The following PDZD2 variants were observed in gnomAD, a reference collection of about 807,000 sequenced individuals.
PDZD2 encodes PDZ domain containing 2, also known as PDZ domain-containing protein 2.
In PDZD2, 90 loss-of-function variants were observed where a neutral mutation model predicts 220.7. The observed-to-expected ratio is 0.41, with a 90% CI of 0.34 to 0.49. The LOEUF is 0.49. Among genes scored for constraint, PDZD2 ranks in the 20% least tolerant of loss-of-function variants. The pLI is 0.28. For synonymous variants in PDZD2, 1,375 were observed against 1,450.5 expected, an observed-to-expected ratio of 0.95 and a Z score of 1.18; for missense variants, 3,174 against 3,608.5, an observed-to-expected ratio of 0.88 and a Z score of 3.08.
At chr5:31,987,181 G>A (rs1487852340) in intron 3 of PDZD2, among the ~76,000 whole-genome samples, 4 of 152,162 alleles carry the variant, frequency 2.6e-5, no homozygotes, top group Non-Finnish European at 2.9e-5. Flanking sequence ...AATGCTACAT[G>A]TTGAAAATGA....
Position 32,072,272 on chromosome 5 carries a change from G to C in PDZD2, c.2680G>C (p.Gly894Arg). ...GSEDEDHPGS[G>R]CSTSEEGSLP... ...TGAGGACGAGGATCACCCGGGAAGT[G>C]GCTGCAGCACGTCGGAGGAGGGCAG... Residue 894 changes from glycine to arginine, a missense_variant, in exon 17 of 25, where the codon GGC (glycine) becomes CGC (arginine). Around this residue, in one of 4 missense-constraint regions of PDZD2, gnomAD observed 1,861 missense variants for 2,001.0 expected, o/e 0.93. Coordinates refer to ENST00000438447, the MANE Select transcript of PDZD2 (RefSeq NM_178140.4). 3.7e-6 allele frequency: 6 copies of C among 1,614,154 alleles called. No individual in the cohort carries two copies. The highest frequency in any genetic ancestry group is 5.1e-6 in the Non-Finnish European group (6 of 1,179,990).
chr5:31,869,866 T>TCTGA (rs1943226515), intron 2 of PDZD2, among the ~76,000 whole-genome samples: 1 of 152,218 alleles, frequency 6.6e-6, no homozygotes, highest in Non-Finnish European at 1.5e-5. Context: ...GAGGGGTGGG[T>TCTGA]CTGACCCCCT....
intron 2 of PDZD2, among the ~76,000 whole-genome samples, chr5:31,927,702 T>C (rs1014350870): frequency 6.6e-6 from 1 of 152,164 alleles, no homozygotes; most frequent in Non-Finnish European, 1.5e-5. Context: ...ACTTTGAAGT[T>C]AGACTCTCCT....
At chr5:31,896,799 A>T (rs1179044275) in intron 2 of PDZD2, among the ~76,000 whole-genome samples, 1 of 152,208 alleles carries the variant, frequency 6.6e-6, no homozygotes, top group Non-Finnish European at 1.5e-5. Flanking sequence ...CTACAAAAAA[A>T]TTTAAAAATT....
chr5:31,766,392 T>G (rs1392067886), intron 1 of PDZD2, among the ~76,000 whole-genome samples: 1 of 152,230 alleles, frequency 6.6e-6, no homozygotes, highest in African/African-American at 2.4e-5. Context: ...TCTTATTTTA[T>G]TTTTTGAGAT....
chr5:31,983,763 AT>A, intron 3 of PDZD2, 107 bp downstream of exon 3: 1 of 1,130,024 alleles, frequency 8.8e-7, no homozygotes, highest in Non-Finnish European at 1.3e-6. Flanking sequence ...CAGAACCAGA[AT>A]TTTGAAAGAA....
chr5:32,017,711 C>A (rs1211247843), intron 6 of PDZD2, among the ~76,000 whole-genome samples: 1 of 152,094 alleles, frequency 6.6e-6, no homozygotes, highest in Non-Finnish European at 1.5e-5. Flanking sequence ...AGGTTAGAAA[C>A]CTGCAAGCAG....
intron 1 of PDZD2, among the ~76,000 whole-genome samples, chr5:31,713,197 C>T (rs907012214): frequency 6.6e-6 from 1 of 152,192 alleles, no homozygotes; most frequent in Non-Finnish European, 1.5e-5. Flanking sequence ...ATTCATTGGT[C>T]TCAACATTTG....
rs963829924 is a variant in PDZD2, at chr5:31,931,903, G to A, written c.477-51252G>A. Among the ~76,000 whole-genome samples the A allele has an allele frequency of 4.6e-5, 7 of 152,136 alleles. 1 individual carries two copies. In the South Asian group the frequency reaches 1.0e-3, roughly 22 times the overall value. The stretch of plus-strand genomic sequence containing the variant: ...GGGGAGGGGTGGGCCACAGCCGCAC[G>A]GAGCTTTCTCAGGTGTGATTCTGAA... On this transcript the variant is annotated intron_variant, in intron 2 of 24. Transcript: ENST00000438447.
intron 1 of PDZD2, among the ~76,000 whole-genome samples, chr5:31,740,170 AT>A (rs2150165152): frequency 6.6e-6 from 1 of 152,180 alleles, no homozygotes; most frequent in East Asian, 1.9e-4. Context: ...TCCTGTTGCG[AT>A]TCTTCAAAGA....
chr5:31,936,055 A>G, intron 2 of PDZD2: 2 of 985,916 alleles, frequency 2.0e-6, no homozygotes, highest in Non-Finnish European at 2.4e-6. Flanking sequence ...GGATGCATTC[A>G]TAAATGAAAA....
In PDZD2 at chr5:32,087,078, C is replaced by A; in HGVS notation, c.3683-53C>A. The A allele has an allele frequency of 1.1e-6, 1 of 940,710 alleles. No individual in the cohort carries two copies. The highest frequency in any genetic ancestry group is 1.6e-6 in the Non-Finnish European group (1 of 610,828). 58.3% of individuals were successfully genotyped at this position (940,710 alleles called of 1,614,324 possible). On this transcript the variant is annotated intron_variant, in intron 19 of 24. Coordinates refer to ENST00000438447, the MANE Select transcript of PDZD2 (RefSeq NM_178140.4). The surrounding 1 kb of genome is among the most constrained non-coding windows in gnomAD (Gnocchi z 4.0). The stretch of plus-strand genomic sequence containing the variant: ...TGCTTTCTTATATTATCCCTTTTAT[C>A]TCCCCTACAACCTCTCCTGTGTATG...
intron 7 of PDZD2, among the ~76,000 whole-genome samples, chr5:32,043,245 C>G (rs1165500477): frequency 6.6e-6 from 1 of 152,188 alleles, no homozygotes; most frequent in Non-Finnish European, 1.5e-5. Flanking sequence ...GTAGCTATTC[C>G]AGGGCTGGCC....
intron 1 of PDZD2, among the ~76,000 whole-genome samples, chr5:31,753,931 C>T (rs1046727550): frequency 3.3e-5 from 5 of 152,180 alleles, no homozygotes; most frequent in African/African-American, 9.7e-5. Context: ...TATTCTCCAG[C>T]ATTAGCATCC....
chr5:32,052,287 A>T, intron 8 of PDZD2, among the ~76,000 whole-genome samples: 1 of 152,186 alleles, frequency 6.6e-6, no homozygotes, highest in East Asian at 1.9e-4. Context: ...CTGGGACTGC[A>T]GGCATCCACC....
intron 2 of PDZD2, among the ~76,000 whole-genome samples, chr5:31,855,369 G>T (rs1758353298): frequency 1.3e-5 from 2 of 152,384 alleles, no homozygotes; most frequent in East Asian, 3.9e-4. Flanking sequence ...CGTGTTGAGA[G>T]ACGGTTTGTG....
intron 2 of PDZD2, among the ~76,000 whole-genome samples, chr5:31,925,213 T>A (rs1744634569): frequency 6.6e-6 from 1 of 152,142 alleles, no homozygotes; most frequent in Non-Finnish European, 1.5e-5. Context: ...GCCTTCAGAC[T>A]ATACATAAGT....
chr5:31,659,502 C>G (rs757534760), intron 1 of PDZD2, among the ~76,000 whole-genome samples: 12 of 152,082 alleles, frequency 7.9e-5, no homozygotes, highest in Non-Finnish European at 1.5e-4. Context: ...TTCCTCTGCT[C>G]CCCAGCTTGG....
At chr5:31,942,611 A>G (rs1331477079) in intron 2 of PDZD2, among the ~76,000 whole-genome samples, 1 of 152,220 alleles carries the variant, frequency 6.6e-6, no homozygotes, top group African/African-American at 2.4e-5. Flanking sequence ...CTGAGATTAT[A>G]GGCGTGAGCC....
Sources: gnomAD v4.1 joint callset for allele counts (sites outside exome capture counted in the v4.1 genomes callset) on GRCh38, gnomAD v4.1.1 for gene constraint, gnomAD v4.1.1 regional missense constraint, Gnocchi (gnomAD v3.1) non-coding constraint, MANE v1.5 for transcripts, NCBI Gene and HGNC (gene_info 2026-07-23, HGNC 2026-07-21) for gene names.